Variants in SLC1A1 observed in about 807,000 individuals in gnomAD.
SLC1A1 encodes the protein excitatory amino acid transporter 3.
Under a neutral mutation model 53.3 loss-of-function variants are expected in SLC1A1, and 43 were observed. The observed-to-expected ratio is 0.81, with a 90% confidence interval of 0.63 to 1.04. SLC1A1 has a LOEUF of 1.04. SLC1A1 is among the 50% of genes least tolerant of loss of function. SLC1A1 has a pLI of 0.00. For missense variants in SLC1A1, 748 were observed against 664.9 expected (o/e 1.12, Z -1.37); for synonymous variants, 307 against 243.2 (o/e 1.26, Z -2.44).
At chr9:4,557,105 T>C (rs1436583739) in intron 2 of SLC1A1, among the ~76,000 whole-genome samples, 3 of 152,206 alleles carry the variant, frequency 2.0e-5, no homozygotes, top group Admixed American at 2.0e-4. Context: ...GAAATGGATC[T>C]TTGAAATGGG....
At chr9:4,571,929 A>G (rs1820097057) in intron 6 of SLC1A1, among the ~76,000 whole-genome samples, 1 of 152,186 alleles carries the variant, frequency 6.6e-6, no homozygotes, top group African/African-American at 2.4e-5. Flanking sequence ...TAAAAATATA[A>G]ACCATTCCAG....
intron 6 of SLC1A1, among the ~76,000 whole-genome samples, chr9:4,568,889 G>A (rs1347141579): frequency 6.6e-6 from 1 of 152,052 alleles, no homozygotes; most frequent in East Asian, 1.9e-4. Context: ...ATGAAACAAG[G>A]TGTCTTTAAA....
intron 1 of SLC1A1, among the ~76,000 whole-genome samples, chr9:4,494,403 T>G (rs1478627551): frequency 2.0e-5 from 3 of 152,126 alleles, no homozygotes; most frequent in Non-Finnish European, 4.4e-5. Context: ...TCTGAATAAT[T>G]TGATTATGAG....
intron 1 of SLC1A1, among the ~76,000 whole-genome samples, chr9:4,538,393 A>G (rs1816754423): frequency 6.6e-6 from 1 of 152,258 alleles, no homozygotes; most frequent in Admixed American, 6.5e-5. Context: ...AGGCAATGAG[A>G]TATAAAATTA....
At chr9:4,535,524 G>A (rs1195526221) in intron 1 of SLC1A1, among the ~76,000 whole-genome samples, 1 of 152,074 alleles carries the variant, frequency 6.6e-6, no homozygotes, top group Non-Finnish European at 1.5e-5. Flanking sequence ...CCTCTTCAAG[G>A]AGAACTACAA....
intron 1 of SLC1A1, among the ~76,000 whole-genome samples, chr9:4,513,872 T>C (rs1821074300): frequency 6.6e-6 from 1 of 152,202 alleles, no homozygotes. Flanking sequence ...GAAAGGAACA[T>C]ACCATTGATA....
At chr9:4,529,382 C>T (rs537287722) in intron 1 of SLC1A1, among the ~76,000 whole-genome samples, 1 of 152,246 alleles carries the variant, frequency 6.6e-6, no homozygotes, top group African/African-American at 2.4e-5. Flanking sequence ...ACCTTTAAGC[C>T]TTTGCAGTAG....
chr9:4,563,188 G>A (rs1324522887), intron 3 of SLC1A1, among the ~76,000 whole-genome samples: 5 of 151,484 alleles, frequency 3.3e-5, no homozygotes, highest in Non-Finnish European at 7.4e-5. Flanking sequence ...AAGACAGAAG[G>A]AGCATATACT....
intron 1 of SLC1A1, among the ~76,000 whole-genome samples, chr9:4,531,754 C>A (rs1434115887): frequency 2.0e-5 from 3 of 152,168 alleles, no homozygotes; most frequent in African/African-American, 4.8e-5. Flanking sequence ...AGGCAGACAG[C>A]CTCCTCAAGT....
chr9:4,573,090 C>T (rs953816885), intron 7 of SLC1A1, among the ~76,000 whole-genome samples: 5 of 152,198 alleles, frequency 3.3e-5, no homozygotes, highest in African/African-American at 1.2e-4. Flanking sequence ...TTATAACTGG[C>T]ACTGCATGGG....
intron 2 of SLC1A1, among the ~76,000 whole-genome samples, chr9:4,560,556 C>T (rs909100153): frequency 3.9e-5 from 6 of 152,148 alleles, no homozygotes; most frequent in Non-Finnish European, 8.8e-5. Flanking sequence ...TTTACCTTTT[C>T]TCCTTTTTCA....
Position 4,556,369 on chromosome 9 carries a change from C to G in SLC1A1, c.233-5080C>G, listed in dbSNP as rs1339546637. ...CAGAAATAAAGTTACTGTCCAATTACTATAAACATTTTAAATACTCACTGT... is the reference window on the plus strand; with the variant it reads ...CAGAAATAAAGTTACTGTCCAATTAGTATAAACATTTTAAATACTCACTGT... On this transcript the variant is annotated intron_variant, in intron 2 of 11. Coordinates refer to ENST00000262352, the MANE Select transcript of SLC1A1 (RefSeq NM_004170.6). The surrounding 1 kb of genome is among the most constrained non-coding windows in gnomAD (Gnocchi z 4.1). Among the ~76,000 whole-genome samples the G allele has an allele frequency of 6.6e-6, 1 of 152,180 alleles. No homozygotes were observed. Among genetic ancestry groups the G allele is most frequent in the Non-Finnish European group, 1.5e-5 (1 of 68,046 alleles).
intron 1 of SLC1A1, among the ~76,000 whole-genome samples, chr9:4,527,408 A>G (rs1040875780): frequency 6.6e-6 from 1 of 152,232 alleles, no homozygotes; most frequent in Non-Finnish European, 1.5e-5. Flanking sequence ...AAACTAATGC[A>G]GTAGCTCTAT....
chr9:4,565,897 T>A (rs1423468122), intron 4 of SLC1A1, 150 bp from the exon 5 acceptor site: 1 of 702,500 alleles, frequency 1.4e-6, no homozygotes, highest in Non-Finnish European at 2.6e-6. Context: ...AAAAAAGAAA[T>A]CTCAATACAA....
chr9:4,565,899 T>C, intron 4 of SLC1A1, 148 bp from the exon 5 acceptor site: 4 of 707,972 alleles, frequency 5.6e-6, no homozygotes, highest in South Asian at 1.6e-5. Context: ...AAAAGAAATC[T>C]CAATACAAGG....
At chr9:4,573,131 C>T (rs143041844) in intron 7 of SLC1A1, among the ~76,000 whole-genome samples, 96 of 152,318 alleles carry the variant, frequency 6.3e-4, no homozygotes, top group Non-Finnish European at 2.9e-4. Context: ...AGCTACCATC[C>T]GTGAGCATAC....
intron 1 of SLC1A1, among the ~76,000 whole-genome samples, chr9:4,497,469 T>C (rs1820473729): frequency 6.6e-6 from 1 of 152,190 alleles, no homozygotes; most frequent in South Asian, 2.1e-4. Context: ...ACCTATCACA[T>C]TGCACAGTAG....
chr9:4,490,848 G>T, intron 1 of SLC1A1, 78 bp downstream of exon 1: 1 of 1,260,122 alleles, frequency 7.9e-7, no homozygotes. Context: ...CTGAGGGTGG[G>T]CTTGGCGCTG....
At chr9:4,560,156 A>G (rs763311921) in intron 2 of SLC1A1, 2 of 152,250 alleles carry the variant, frequency 1.3e-5, no homozygotes, top group East Asian at 1.9e-4. Context: ...AAATTTTAAG[A>G]TGTCTCACAA....
Sources: gnomAD v4.1 joint callset for allele counts (sites outside exome capture counted in the v4.1 genomes callset) on GRCh38, gnomAD v4.1.1 for gene constraint, Gnocchi (gnomAD v3.1) non-coding constraint, MANE v1.5 for transcripts, NCBI Gene and HGNC (gene_info 2026-07-23, HGNC 2026-07-21) for gene names.